NAALADL2: variants seen among roughly 807,000 people sequenced by gnomAD.
The protein encoded by NAALADL2 is N-acetylated alpha-linked acidic dipeptidase like 2, also known as inactive N-acetylated-alpha-linked acidic dipeptidase-like protein 2.
A neutral mutation model predicts 87.2 loss-of-function variants in NAALADL2; 76 were observed. The ratio of observed to expected loss-of-function variants is 0.87; its 90% confidence interval spans 0.72 to 1.05. NAALADL2 has a LOEUF of 1.05. Ranked by LOEUF, NAALADL2 falls within the 50% of genes least tolerant of loss-of-function variation. NAALADL2 has a pLI of 0.00. For missense variants in NAALADL2, 1,089 were observed against 945.8 expected (o/e 1.15, Z -1.99); for synonymous variants, 354 against 331.0 (o/e 1.07, Z -0.75).
Position 175,576,116 on chromosome 3 carries a change from G to T in NAALADL2, c.1729G>T (p.Ala577Ser). The change falls in exon 10 of 14, where the codon GCT becomes TCT. Residue 577 changes from alanine (A) to serine (S), a missense_variant. Transcript: ENST00000454872. ...CAGTTCTATACAGATACAAGGTGAT[G>T]CTGATTATTTCATCAACCATCTTGG... The part of the protein sequence containing the change: ...NISSIQIQGD[A>S]DYFINHLGVP... 6.2e-7 allele frequency: 1 copy of T among 1,613,466 alleles called. No individual in the cohort carries two copies. Among genetic ancestry groups the T allele is most frequent in the South Asian group, 1.1e-5 (1 of 91,078 alleles).
At chr3:175,093,602 A>G (rs1720576380) in intron 1 of NAALADL2, among the ~76,000 whole-genome samples, 1 of 149,688 alleles carries the variant, frequency 6.7e-6, no homozygotes. Flanking sequence ...TATATAAAAT[A>G]TATAAGACAT....
intron 2 of NAALADL2, among the ~76,000 whole-genome samples, chr3:174,681,079 C>T (rs1161094621): frequency 2.0e-5 from 3 of 152,154 alleles, no homozygotes; most frequent in East Asian, 1.9e-4. Context: ...CCCAGTAGTG[C>T]CCTGTCACAG....
intron 4 of NAALADL2, among the ~76,000 whole-genome samples, chr3:175,284,563 TTTTC>T (rs1238061378): frequency 1.2e-4 from 18 of 152,138 alleles, no homozygotes; most frequent in Admixed American, 1.2e-3. Flanking sequence ...CAACAATTTG[TTTTC>T]TTTGTCTCTT....
chr3:175,444,184 T>C (rs1180327141), intron 5 of NAALADL2, among the ~76,000 whole-genome samples: 1 of 152,176 alleles, frequency 6.6e-6, no homozygotes, highest in Non-Finnish European at 1.5e-5. Context: ...GATACAATCA[T>C]ACAGCATCTT....
At chr3:175,054,622 T>C (rs541781522) in intron 1 of NAALADL2, among the ~76,000 whole-genome samples, 1 of 152,332 alleles carries the variant, frequency 6.6e-6, no homozygotes, top group African/African-American at 2.4e-5. Context: ...CATTGTTCTA[T>C]CCAAATTGGC....
intron 13 of NAALADL2, among the ~76,000 whole-genome samples, chr3:175,796,563 C>T (rs1228012351): frequency 6.6e-6 from 1 of 152,092 alleles, no homozygotes; most frequent in Non-Finnish European, 1.5e-5. Context: ...GACGTAGTAT[C>T]GAAGTAAAAT....
At chr3:175,784,015 G>A (rs1751537979) in intron 13 of NAALADL2, among the ~76,000 whole-genome samples, 1 of 145,418 alleles carries the variant, frequency 6.9e-6, no homozygotes, top group South Asian at 2.2e-4. Context: ...TTATTGATTT[G>A]TGTATATTGA....
intron 3 of NAALADL2, among the ~76,000 whole-genome samples, chr3:174,829,476 T>C (rs1190928638): frequency 7.2e-6 from 1 of 137,970 alleles, no homozygotes; most frequent in Non-Finnish European, 1.6e-5. Flanking sequence ...TAGTATTCCA[T>C]GGTGTATATG....
At chr3:175,702,864 T>C (rs1360962469) in intron 11 of NAALADL2, among the ~76,000 whole-genome samples, 1 of 151,700 alleles carries the variant, frequency 6.6e-6, no homozygotes, top group South Asian at 2.1e-4. Context: ...GTCAAAAGAA[T>C]AGATCCTTAG....
chr3:175,634,044 A>G (rs941900945), intron 11 of NAALADL2, among the ~76,000 whole-genome samples: 2 of 151,910 alleles, frequency 1.3e-5, no homozygotes, highest in African/African-American at 4.8e-5. Context: ...TAATTTTTAT[A>G]GAGTTTAAAT....
At chr3:174,894,236 T>G (rs896802822) in intron 1 of NAALADL2, among the ~76,000 whole-genome samples, 1 of 151,938 alleles carries the variant, frequency 6.6e-6, no homozygotes, top group African/African-American at 2.4e-5. Flanking sequence ...GATAAATAGG[T>G]CTTCTACAAT....
chr3:174,893,611 A>T (rs920848583), intron 1 of NAALADL2, among the ~76,000 whole-genome samples: 1 of 152,206 alleles, frequency 6.6e-6, no homozygotes, highest in Non-Finnish European at 1.5e-5. Context: ...TTGATTGATT[A>T]TTGATGCAAA....
chr3:175,448,717 T>C (rs1055256885), intron 6 of NAALADL2, among the ~76,000 whole-genome samples: 4 of 152,228 alleles, frequency 2.6e-5, no homozygotes, highest in Non-Finnish European at 5.9e-5. Flanking sequence ...TGTTATGTTA[T>C]ATATTTTTTG....
At chr3:174,468,367 TTTC>T (rs1419992823) in intron 1 of NAALADL2, among the ~76,000 whole-genome samples, 2 of 149,132 alleles carry the variant, frequency 1.3e-5, no homozygotes, top group African/African-American at 4.9e-5. Flanking sequence ...TTTCATTTTC[TTTC>T]TTTCTTTCTT....
At chr3:175,096,495 CGTGTGTGTGTGTGTGT>C (rs3067035) in intron 1 of NAALADL2, among the ~76,000 whole-genome samples, 23 of 143,308 alleles carry the variant, frequency 1.6e-4, no homozygotes, top group East Asian at 8.4e-4. Context: ...ATTAATGGGG[CGTGTGTGTGTGTGTGT>C]GTGTGTGTGT....
chr3:175,595,210 C>A (rs904114793), intron 10 of NAALADL2, among the ~76,000 whole-genome samples: 7 of 152,100 alleles, frequency 4.6e-5, no homozygotes, highest in African/African-American at 7.2e-5. Flanking sequence ...CATTATTCTG[C>A]ATATGAGTAT....
intron 5 of NAALADL2, among the ~76,000 whole-genome samples, chr3:175,334,359 T>C (rs75588784): frequency 0.024 from 3,695 of 152,232 alleles, 137 homozygotes; most frequent in African/African-American, 0.085. Context: ...TTTATTCTGC[T>C]TTTTCCCTCT....
At chr3:174,714,893 C>T (rs1272016513) in intron 2 of NAALADL2, among the ~76,000 whole-genome samples, 1 of 152,160 alleles carries the variant, frequency 6.6e-6, no homozygotes, top group East Asian at 1.9e-4. Context: ...AAAGGGAATG[C>T]TTCCAGTTTT....
chr3:174,512,093 A>C (rs2108392792), intron 1 of NAALADL2, among the ~76,000 whole-genome samples: 1 of 152,200 alleles, frequency 6.6e-6, no homozygotes, highest in Non-Finnish European at 1.5e-5. Flanking sequence ...TATACATGCA[A>C]ATTTCTATTT....
Sources: allele counts gnomAD v4.1 joint callset (sites outside exome capture counted in the v4.1 genomes callset), GRCh38; gene constraint gnomAD v4.1.1; transcripts MANE v1.5; gene names NCBI Gene and HGNC (gene_info 2026-07-23, HGNC 2026-07-21).